BFAR: variants seen among roughly 807,000 people sequenced by gnomAD.
BFAR encodes bifunctional apoptosis regulator, also known as RING finger protein 47.
Under a neutral mutation model 54.4 loss-of-function variants are expected in BFAR, and 52 were observed. The ratio of observed to expected loss-of-function variants is 0.96; its 90% CI spans 0.77 to 1.21. The LOEUF is 1.21. BFAR is among the 50% of genes most tolerant of loss of function. The pLI is 0.00. For missense variants in BFAR, 571 were observed against 534.0 expected (o/e 1.07, Z -0.68); for synonymous variants, 215 against 204.3 (o/e 1.05, Z -0.45).
Position 14,644,591 on chromosome 16 carries a change from A to C in BFAR, c.245A>C (p.Lys82Thr). 6.2e-7 allele frequency: 1 copy of C among 1,613,752 alleles called. No individual in the cohort carries two copies. The highest frequency in any genetic ancestry group is 8.5e-7 in the Non-Finnish European group (1 of 1,180,004). ...ECREKWEGFP[K>T]VSILLRDAIE... The stretch of plus-strand genomic sequence containing the variant: ...AGAGAAAAATGGGAAGGTTTCCCCA[A>C]AGTCAGTATTCTCCTCAGGTAATGT... Residue 82 changes from lysine (K) to threonine (T), a missense_variant, in exon 2 of 8, where the codon AAA becomes ACA. By Grantham distance (78) the Lys-to-Thr change is moderately conservative. Coordinates refer to ENST00000261658, the MANE Select transcript of BFAR (RefSeq NM_016561.3).
Position 14,644,510 on chromosome 16 carries a change from G to A in BFAR, c.164G>A (p.Arg55His), listed in dbSNP as rs761912529. The A allele has an allele frequency of 9.4e-5, 152 of 1,613,914 alleles. No individual in the cohort carries two copies. The highest frequency in any genetic ancestry group is 1.2e-4 in the Non-Finnish European group (138 of 1,180,024). Reference protein sequence around the residue: ...TTLNCGHSFCRHCLALWWASS... With the variant: ...TTLNCGHSFCHHCLALWWASS... ...TTGAACTGTGGGCACAGCTTCTGCC[G>A]TCACTGCCTTGCTTTATGGTGGGCA... Residue 55 changes from arginine to histidine, a missense_variant, in exon 2 of 8, where the codon CGT becomes CAT. By Grantham distance (29) the Arg-to-His change is conservative. Coordinates refer to ENST00000261658, the MANE Select transcript of BFAR (RefSeq NM_016561.3).
chr16:14,636,917 C>G (rs12444327), intron 1 of BFAR, among the ~76,000 whole-genome samples: 7,300 of 152,252 alleles, frequency 0.048, 231 homozygotes, highest in Middle Eastern at 0.085. Flanking sequence ...TTGTACCGCC[C>G]GTAATCCATT....
intron 7 of BFAR, 129 bp from the exon 8 acceptor site, chr16:14,667,506 A>G (rs1960473554): frequency 1.3e-5 from 11 of 839,792 alleles, no homozygotes; most frequent in Middle Eastern, 7.4e-4. Context: ...GGCACCGGGG[A>G]CAGAAGACAA....
intron 3 of BFAR, among the ~76,000 whole-genome samples, 166 bp downstream of exon 3, chr16:14,648,758 A>G (rs1168595029): frequency 6.6e-6 from 1 of 152,118 alleles, no homozygotes; most frequent in African/African-American, 2.4e-5. Context: ...TTCCTCAGGA[A>G]TGTTGCTTAC....
rs1960498722 is a variant in BFAR, at chr16:14,668,234, G to C, written c.*407G>C. On this transcript the variant is annotated 3_prime_UTR_variant, in exon 8 of 8. Transcript: ENST00000261658. ...TCCGGATCTCAGAGCCTGAGACCAG[G>C]TTTATTGGGGCCTGGCCTGTCCTCT... The C allele has an allele frequency of 5.1e-6, 1 of 196,152 alleles. No individual in the cohort carries two copies. The highest frequency in any genetic ancestry group is 1.0e-5 in the Non-Finnish European group (1 of 96,022). 12.2% of individuals were successfully genotyped at this position (196,152 alleles called of 1,614,324 possible).
At chr16:14,644,737 CCTCAA>C (rs1428246933) in intron 2 of BFAR, 128 bp downstream of exon 2, 2 of 1,174,156 alleles carry the variant, frequency 1.7e-6, no homozygotes. Context: ...AAACTCCTGA[CCTCAA>C]GTGATCCTCC....
chr16:14,655,344 CAG>C (rs1960099773), intron 5 of BFAR, 134 bp downstream of exon 5: 1 of 825,010 alleles, frequency 1.2e-6, no homozygotes. Context: ...TATTTTGAGA[CAG>C]AGTCCTTCTC....
intron 7 of BFAR, chr16:14,667,347 GA>G (rs940423951): frequency 6.6e-4 from 268 of 405,354 alleles, no homozygotes; most frequent in South Asian, 1.1e-3. Flanking sequence ...GTCTCAAAAG[GA>G]AAAAAAAATA....
At chr16:14,646,463 C>T (rs1013330554) in intron 2 of BFAR, among the ~76,000 whole-genome samples, 6 of 151,764 alleles carry the variant, frequency 4.0e-5, no homozygotes, top group Non-Finnish European at 5.9e-5. Flanking sequence ...GCTGGGATTA[C>T]AGGCGTGAGC....
intron 2 of BFAR, among the ~76,000 whole-genome samples, chr16:14,647,697 T>G (rs1385231025): frequency 6.7e-6 from 1 of 149,436 alleles, no homozygotes; most frequent in African/African-American, 2.5e-5. Context: ...AAAAAACAAG[T>G]GCCAATAGAA....
intron 1 of BFAR, among the ~76,000 whole-genome samples, chr16:14,633,655 CTT>C (rs923939361): frequency 6.6e-6 from 1 of 151,904 alleles, no homozygotes. Context: ...AGAGAATTTT[CTT>C]TTTTTTCTTT....
Position 14,664,943 on chromosome 16 carries a change from T to C in BFAR, c.1032T>C (p.Ile344=). 1 of 1,614,026 alleles carries C rather than the reference T, an allele frequency of 6.2e-7. No individual in the cohort carries two copies. The highest frequency in any genetic ancestry group is 1.1e-5 in the South Asian group (1 of 91,084). Residue 344 remains isoleucine (I), a synonymous_variant, in exon 7 of 8, where the codon ATT becomes ATC. Transcript: ENST00000261658. ...VKYSFLPYQL[I]AEFAWDWLEV... ...ACTCCTTCCTTCCATACCAGCTGAT[T>C]GCTGAGTTTGCTTGGGACTGGTTGG...
rs1294988330 is a variant in BFAR, at chr16:14,655,739, C to T, written c.783+529C>T. ...ACAGGCGTCAGCCACCGCGCCTGGC[C>T]TGTTTTACAAATAAATAAGGAAAGA... On this transcript the variant is annotated intron_variant, in intron 5 of 7. Transcript: ENST00000261658. 4.6e-5 allele frequency among the ~76,000 whole-genome samples: 7 copies of T among 152,244 alleles called. No individual in the cohort carries two copies. The East Asian group carries it at 1.3e-3, about 29-fold the overall frequency.
chr16:14,647,513 A>G (rs1024903515), intron 2 of BFAR, among the ~76,000 whole-genome samples: 3 of 151,966 alleles, frequency 2.0e-5, no homozygotes, highest in African/African-American at 4.8e-5. Flanking sequence ...CCTAGCCAAC[A>G]TGACCAAAAA....
intron 1 of BFAR, among the ~76,000 whole-genome samples, chr16:14,639,455 G>A (rs939012965): frequency 6.6e-6 from 1 of 151,958 alleles, no homozygotes; most frequent in Admixed American, 6.6e-5. Flanking sequence ...TTACAGTCGT[G>A]CACCACCATG....
chr16:14,653,422 G>A (rs1425243107), intron 4 of BFAR, among the ~76,000 whole-genome samples: 1 of 152,044 alleles, frequency 6.6e-6, no homozygotes, highest in Non-Finnish European at 1.5e-5. Context: ...TCACCTCCTG[G>A]GTTCAAGCGA....
intron 3 of BFAR, 123 bp from the exon 4 acceptor site, chr16:14,649,681 T>G: frequency 1.2e-6 from 1 of 829,616 alleles, no homozygotes; most frequent in Non-Finnish European, 1.8e-6. Context: ...CCTGCTTCTG[T>G]GTACGGGCTC....
Position 14,649,819 on chromosome 16 carries a change from T to A in BFAR, c.484T>A (p.Tyr162Asn). Residue 162 changes from tyrosine (Y) to asparagine (N), a missense_variant, in exon 4 of 8, where the codon TAT becomes AAT. Coordinates refer to ENST00000261658, the MANE Select transcript of BFAR (RefSeq NM_016561.3). ...TTTTCCCCAGGTGGTCCTGCTCGTCTATCACTGGAGCAGCAGGGAATCTGA... is the reference window on the plus strand; with the variant it reads ...TTTTCCCCAGGTGGTCCTGCTCGTCAATCACTGGAGCAGCAGGGAATCTGA... Reference protein sequence around the residue: ...LTGVAVVLLVYHWSSRESEHD... With the variant: ...LTGVAVVLLVNHWSSRESEHD... 1 of 1,606,482 alleles carries A rather than the reference T, an allele frequency of 6.2e-7. No homozygotes were observed. Among genetic ancestry groups the A allele is most frequent in the Non-Finnish European group, 8.5e-7 (1 of 1,175,256 alleles).
At chr16:14,649,686 G>A (rs756398043) in intron 3 of BFAR, 118 bp from the exon 4 acceptor site, 54 of 868,182 alleles carry the variant, frequency 6.2e-5, no homozygotes, top group Admixed American at 1.1e-4. Flanking sequence ...TTCTGTGTAC[G>A]GGCTCCGCAT....
Sources: allele counts gnomAD v4.1 joint callset (sites outside exome capture counted in the v4.1 genomes callset), GRCh38; gene constraint gnomAD v4.1.1; transcripts MANE v1.5; gene names NCBI Gene and HGNC (gene_info 2026-07-23, HGNC 2026-07-21).